The following PRR11 variants were observed in gnomAD, a reference collection of about 807,000 sequenced individuals.
PRR11 encodes proline rich 11.
Under a neutral mutation model 45.6 loss-of-function variants are expected in PRR11, and 30 were observed. The observed-to-expected ratio is 0.66, with a 90% CI of 0.49 to 0.89. The LOEUF is 0.89. PRR11 is among the 40% of genes least tolerant of loss of function. PRR11 has a pLI of 0.00. For missense variants in PRR11, 373 were observed against 424.8 expected, an observed-to-expected ratio of 0.88 and a Z score of 1.07; for synonymous variants, 128 against 153.5, an observed-to-expected ratio of 0.83 and a Z score of 1.23.
intron 2 of PRR11, among the ~76,000 whole-genome samples, chr17:59,180,127 CTT>C (rs564643757): frequency 0.03 from 3,477 of 114,854 alleles, 137 homozygotes; most frequent in African/African-American, 0.12. Context: ...TGAGTCTCTC[CTT>C]TTTTTTTTTT....
chr17:59,198,070 C>T (rs995567796), intron 9 of PRR11, among the ~76,000 whole-genome samples: 5 of 152,128 alleles, frequency 3.3e-5, no homozygotes, highest in African/African-American at 1.2e-4. Flanking sequence ...GCTGTGATTG[C>T]ACCACTGCAC....
chr17:59,182,275 G>A (rs111931271), intron 2 of PRR11, among the ~76,000 whole-genome samples: 3 of 151,156 alleles, frequency 2.0e-5, no homozygotes, highest in Non-Finnish European at 2.9e-5. Flanking sequence ...TGATCTGCCC[G>A]CCTTGGCCTC....
At chr17:59,166,445 G>A (rs2065730552) in intron 1 of PRR11, among the ~76,000 whole-genome samples, 1 of 151,800 alleles carries the variant, frequency 6.6e-6, no homozygotes, top group African/African-American at 2.4e-5. Flanking sequence ...ATTGAAATGT[G>A]AATATACTAG....
intron 2 of PRR11, among the ~76,000 whole-genome samples, chr17:59,176,683 G>GGTTTT (rs2046747933): frequency 1.1e-5 from 1 of 93,398 alleles, no homozygotes; most frequent in African/African-American, 4.5e-5. Flanking sequence ...GGTTTTTTTG[G>GGTTTT]CTTTTTTTTT....
At chr17:59,200,008 C>T (rs2046884844) in intron 9 of PRR11, among the ~76,000 whole-genome samples, 1 of 152,198 alleles carries the variant, frequency 6.6e-6, no homozygotes, top group African/African-American at 2.4e-5. Context: ...TTTGTTGTCA[C>T]TGCCCCTACT....
At chr17:59,164,444 C>T (rs1016305670) in intron 1 of PRR11, among the ~76,000 whole-genome samples, 2 of 151,982 alleles carry the variant, frequency 1.3e-5, no homozygotes, top group African/African-American at 2.4e-5. Context: ...AATCCCAGCA[C>T]TTTGGGAGGC....
In PRR11 at chr17:59,185,516, T is replaced by A. The variant is rs1228163435; in HGVS notation, c.356T>A (p.Phe119Tyr). 6.2e-7 allele frequency: 1 copy of A among 1,611,646 alleles called. No individual in the cohort carries two copies. Among genetic ancestry groups the A allele is most frequent in the Admixed American group, 1.7e-5 (1 of 59,236 alleles). ...GAACTTTACAGTGTAAAACAACAGT[T>A]TTGCATTTTGGAAAGTAAATTATGC... Reference protein sequence around the residue: ...HRELYSVKQQFCILESKLCKL... With the variant: ...HRELYSVKQQYCILESKLCKL... Residue 119 changes from phenylalanine (F) to tyrosine (Y), a missense_variant, in exon 4 of 10, where the codon TTT becomes TAT. Phe to Tyr is a conservative substitution (Grantham distance 22). Coordinates refer to ENST00000262293, the MANE Select transcript of PRR11 (RefSeq NM_018304.4).
At chr17:59,171,921 G>A (rs1222975437) in intron 2 of PRR11, among the ~76,000 whole-genome samples, 1 of 151,768 alleles carries the variant, frequency 6.6e-6, no homozygotes, top group Non-Finnish European at 1.5e-5. Context: ...AGGATAAAAA[G>A]GATTCTCTGT....
At chr17:59,198,514 A>C (rs1304579384) in intron 9 of PRR11, among the ~76,000 whole-genome samples, 1 of 152,178 alleles carries the variant, frequency 6.6e-6, no homozygotes, top group Non-Finnish European at 1.5e-5. Flanking sequence ...TCTCTACCCC[A>C]AATACAAAAA....
chr17:59,163,431 A>G (rs1297666797), intron 1 of PRR11, among the ~76,000 whole-genome samples: 1 of 152,232 alleles, frequency 6.6e-6, no homozygotes, highest in South Asian at 2.1e-4. Flanking sequence ...ATTTAGTGCT[A>G]CTAAGATTAC....
intron 9 of PRR11, among the ~76,000 whole-genome samples, chr17:59,199,669 T>C (rs2046883248): frequency 6.6e-6 from 1 of 152,240 alleles, no homozygotes; most frequent in African/African-American, 2.4e-5. Flanking sequence ...TTGAAGTTTA[T>C]AGTTCGTTCT....
Position 59,185,502 on chromosome 17 carries a change from T to C in PRR11, c.342T>C (p.Ser114=), listed in dbSNP as rs1387768089. 30 of 1,610,670 alleles carry C rather than the reference T, an allele frequency of 1.9e-5. No individual in the cohort carries two copies. The highest frequency in any genetic ancestry group is 2.5e-5 in the Non-Finnish European group (30 of 1,178,960). ...PSRICHRELY[S]VKQQFCILES... ...GTATCTGCCACCGAGAACTTTACAG[T>C]GTAAAACAACAGTTTTGCATTTTGG... Residue 114 remains serine (S), a synonymous_variant, in exon 4 of 10, where the codon AGT becomes AGC. Transcript: ENST00000262293.
chr17:59,184,741 G>A (rs1252077428), intron 2 of PRR11, among the ~76,000 whole-genome samples: 1 of 151,620 alleles, frequency 6.6e-6, no homozygotes, highest in Admixed American at 6.6e-5. Context: ...TCAATGTTCT[G>A]ACCCCATTAA....
At chr17:59,193,882 G>C (rs538287566) in intron 5 of PRR11, 148 bp downstream of exon 5, 26 of 1,004,682 alleles carry the variant, frequency 2.6e-5, no homozygotes, top group Middle Eastern at 6.0e-4. Flanking sequence ...CTTAATTATT[G>C]TGTTTTTAAA....
intron 1 of PRR11, among the ~76,000 whole-genome samples, chr17:59,156,673 T>C (rs2046626014): frequency 6.6e-6 from 1 of 151,838 alleles, no homozygotes; most frequent in Non-Finnish European, 1.5e-5. Context: ...TTTTTTTTCT[T>C]TTTTTGTGAC....
rs188752133 is a variant in PRR11, at chr17:59,173,426, C to T, written c.128+3546C>T. On this transcript the variant is annotated intron_variant, in intron 2 of 9. Transcript: ENST00000262293. ...CTACTGGTCACTCTTTGGGTCCGCA[C>T]TGCCTTTATGAGCTGTAACACTCAC... 4.4e-4 allele frequency among the ~76,000 whole-genome samples: 67 copies of T among 152,344 alleles called. 1 individual carries two copies. In the East Asian group the frequency reaches 0.012, roughly 27 times the overall value.
At chr17:59,160,979 C>G (rs1019720400) in intron 1 of PRR11, 2 of 151,650 alleles carry the variant, frequency 1.3e-5, no homozygotes, top group Admixed American at 6.6e-5. Flanking sequence ...TAAAGGCATC[C>G]TCCCACCTCC....
At chr17:59,188,917 G>A (rs1210617590) in intron 4 of PRR11, among the ~76,000 whole-genome samples, 1 of 150,530 alleles carries the variant, frequency 6.6e-6, no homozygotes, top group Non-Finnish European at 1.5e-5. Context: ...TCCAGCCTGG[G>A]CAACAGAGCA....
chr17:59,199,304 G>C (rs976731567), intron 9 of PRR11, among the ~76,000 whole-genome samples: 1 of 152,162 alleles, frequency 6.6e-6, no homozygotes, highest in South Asian at 2.1e-4. Flanking sequence ...AACAAAATTC[G>C]TAAGAGTTCC....
Sources: gnomAD v4.1 joint callset for allele counts (sites outside exome capture counted in the v4.1 genomes callset) on GRCh38, gnomAD v4.1.1 for gene constraint, MANE v1.5 for transcripts, NCBI Gene and HGNC (gene_info 2026-07-23, HGNC 2026-07-21) for gene names.